Variants in BSN observed in about 807,000 individuals in gnomAD.
BSN encodes bassoon presynaptic cytomatrix protein, also known as protein bassoon.
BSN carries 57 observed loss-of-function variants against 264.8 expected under a neutral mutation model. That is an observed-to-expected ratio of 0.22 (90% CI 0.17 to 0.27). The LOEUF is 0.27. BSN is among the 10% of genes least tolerant of loss of function. BSN has a pLI of 1.00. For missense variants in BSN, 4,615 were observed against 5,232.5 expected (o/e 0.88, Z 3.64); for synonymous variants, 2,059 against 2,137.3 (o/e 0.96, Z 1.01).
At chr3:49,613,502 A>ATT in intron 1 of BSN, among the ~76,000 whole-genome samples, 1 of 146,152 alleles carries the variant, frequency 6.8e-6, no homozygotes, top group East Asian at 2.0e-4. Context: ...TATTATTATT[A>ATT]TTTTTTTTTG....
intron 1 of BSN, among the ~76,000 whole-genome samples, chr3:49,569,258 T>C (rs1190515865): frequency 6.6e-6 from 1 of 152,120 alleles, no homozygotes; most frequent in Non-Finnish European, 1.5e-5. Flanking sequence ...CTGCAAGTGC[T>C]TTAATATTAA....
Position 49,667,836 on chromosome 3 carries a change from G to A in BSN, c.*351G>A, listed in dbSNP as rs1162534555. 1 of 152,456 alleles carries A rather than the reference G, an allele frequency of 6.6e-6. No homozygotes were observed. Among genetic ancestry groups the A allele is most frequent in the Non-Finnish European group, 1.5e-5 (1 of 68,032 alleles). 9.4% of individuals were successfully genotyped at this position (152,456 alleles called of 1,614,324 possible). ...CCTCTCCAGAAACCCTGCCACCATG[G>A]TGTCTTGCCGTACTTCCCACAGCCG... On this transcript the variant is annotated 3_prime_UTR_variant, in exon 12 of 12. Transcript: ENST00000296452.
intron 1 of BSN, among the ~76,000 whole-genome samples, chr3:49,610,757 G>C (rs2052200337): frequency 1.3e-5 from 2 of 152,162 alleles, no homozygotes; most frequent in African/African-American, 4.8e-5. Context: ...GTCCCAGGCA[G>C]GGTTTCCCTG....
In BSN at chr3:49,655,444, C is replaced by T; in HGVS notation, c.5888C>T (p.Pro1963Leu). 1.9e-6 allele frequency: 3 copies of T among 1,573,262 alleles called. No individual in the cohort carries two copies. Among genetic ancestry groups the T allele is most frequent in the Non-Finnish European group, 2.6e-6 (3 of 1,158,848 alleles). ...PTYRAQGVVG[P>L]GPHEEQRPYP... ...TACCGGGCACAGGGGGTGGTGGGGC[C>T]TGGGCCCCATGAGGAGCAGAGGCCC... Residue 1963 changes from proline (P) to leucine (L), a missense_variant, in exon 5 of 12, where the codon CCT (proline) becomes CTT (leucine). Physicochemically the swap from Pro to Leu is moderately conservative, Grantham distance 98. Around this residue, in one of 3 missense-constraint regions of BSN, gnomAD observed 3,415 missense variants for 3,866.4 expected, o/e 0.88. Transcript: ENST00000296452.
At position 49,642,661 on chromosome 3, in the gene BSN, C is replaced by A. The variant is rs769282507; in HGVS notation, c.1027C>A (p.Gln343Lys). Residue 343 changes from glutamine (Q) to lysine (K), a missense_variant, in exon 3 of 12, where the codon CAG (glutamine) becomes AAG (lysine). Around this residue, in one of 3 missense-constraint regions of BSN, gnomAD observed 1,197 missense variants for 1,348.0 expected, o/e 0.89. Transcript: ENST00000296452. The surrounding 1 kb of genome is among the most constrained non-coding windows in gnomAD (Gnocchi z 7.0). ...PAGLGATEQT[Q>K]EGLTGKLFGL... Reference sequence around the variant, plus strand: ...TGGGCTTGGTGCCACTGAGCAGACCCAGGAGGGCCTCACTGGTAAGCTCTT... The same window carrying A: ...TGGGCTTGGTGCCACTGAGCAGACCAAGGAGGGCCTCACTGGTAAGCTCTT... 6 of 1,608,882 alleles carry A rather than the reference C, an allele frequency of 3.7e-6. No individual in the cohort carries two copies. Among genetic ancestry groups the A allele is most frequent in the Non-Finnish European group, 5.1e-6 (6 of 1,177,124 alleles).
At chr3:49,664,576 T>TAGCAAC in intron 9 of BSN, 22 bp downstream of exon 9, 10 of 1,578,684 alleles carry the variant, frequency 6.3e-6, no homozygotes, top group Non-Finnish European at 8.6e-6. Context: ...CTGCAACTGG[T>TAGCAAC]CTGTGGTGGG....
Position 49,657,520 on chromosome 3 carries a change from C to T in BSN, c.7964C>T (p.Ala2655Val), listed in dbSNP as rs1457730152. ...HDATASSSSA[A>V]ATVRAMSSVG... ...GCCACTGCCTCATCATCCAGTGCTG[C>T]TGCCACTGTGAGGGCCATGAGCAGC... is the stretch of plus-strand genomic sequence containing the variant. The change falls in exon 5 of 12, where the codon GCT (alanine) becomes GTT (valine). Residue 2655 changes from alanine to valine, a missense_variant. Coordinates refer to ENST00000296452, the MANE Select transcript of BSN (RefSeq NM_003458.4). The T allele has an allele frequency of 7.4e-6, 12 of 1,613,270 alleles. No homozygotes were observed. The highest frequency in any genetic ancestry group is 1.0e-5 in the Non-Finnish European group (12 of 1,180,026).
Position 49,664,425 on chromosome 3 carries a change from G to T in BSN, c.11611G>T (p.Val3871Leu). The change falls in exon 9 of 12, where the codon GTG becomes TTG. Residue 3871 changes from valine to leucine, a missense_variant and splice_region_variant. This residue lies in a region of BSN where 3,415 missense variants were observed against 3,866.4 expected (regional missense o/e 0.88). Transcript: ENST00000296452. ...QPAPGPGPAGVKAGARPGGTP... is the reference protein window; with the variant it reads ...QPAPGPGPAGLKAGARPGGTP... ...TATGGCGATTTCTTTCCTCCTAGGT[G>T]TGAAGGCTGGAGCCAGGCCTGGAGG... 1 of 1,613,786 alleles carries T rather than the reference G, an allele frequency of 6.2e-7. No individual in the cohort carries two copies. The highest frequency in any genetic ancestry group is 8.5e-7 in the Non-Finnish European group (1 of 1,180,010).
In BSN at chr3:49,670,800, G is replaced by A. The variant is rs2052749017; in HGVS notation, c.*3315G>A. The A allele has an allele frequency of 6.6e-6, 1 of 152,284 alleles. No homozygotes were observed. The highest frequency in any genetic ancestry group is 1.5e-5 in the Non-Finnish European group (1 of 68,060). The allele number at this position is 152,284 out of a possible 1,614,324, so 9.4% of individuals were successfully genotyped here. On this transcript the variant is annotated 3_prime_UTR_variant, in exon 12 of 12. Coordinates refer to ENST00000296452, the MANE Select transcript of BSN (RefSeq NM_003458.4). ...CCCCTACAATCCTTGGGCAGAGCAT[G>A]TGGTCTGAGGGCCCACAGTGAAAGA...
At chr3:49,664,303 C>A in intron 8 of BSN, 120 bp from the exon 9 acceptor site, 1 of 1,329,218 alleles carries the variant, frequency 7.5e-7, no homozygotes, top group Non-Finnish European at 1.1e-6. Context: ...CCCTAGCCTC[C>A]TTCTCACCTT....
At chr3:49,649,744 G>A (rs1414186017) in intron 3 of BSN, among the ~76,000 whole-genome samples, 1 of 152,238 alleles carries the variant, frequency 6.6e-6, no homozygotes, top group Non-Finnish European at 1.5e-5. Flanking sequence ...CTGCATGCCA[G>A]TGCCTGTCTG....
At chr3:49,603,261 C>T (rs2052086077) in intron 1 of BSN, among the ~76,000 whole-genome samples, 1 of 152,216 alleles carries the variant, frequency 6.6e-6, no homozygotes, top group South Asian at 2.1e-4. Context: ...GTGTGCTTGC[C>T]TCTGTGACTC....
Position 49,651,962 on chromosome 3 carries a change from C to T in BSN, c.2406C>T (p.Ser802=), listed in dbSNP as rs1441281255. ...GAGAGCAGCAGGACACTGCCGAGTCCTCAGACGACTTTGGCAGCCAATTGA... is the reference window on the plus strand; with the variant it reads ...GAGAGCAGCAGGACACTGCCGAGTCTTCAGACGACTTTGGCAGCCAATTGA... The part of the protein sequence containing the change: ...RRREQQDTAE[S]SDDFGSQLRH... The change falls in exon 5 of 12, where the codon TCC becomes TCT. Residue 802 remains serine, a synonymous_variant. Transcript: ENST00000296452. The surrounding 1 kb of genome is among the most constrained non-coding windows in gnomAD (Gnocchi z 5.4). 1 of 1,613,272 alleles carries T rather than the reference C, an allele frequency of 6.2e-7. No homozygotes were observed. The highest frequency in any genetic ancestry group is 1.3e-5 in the African/African-American group (1 of 74,930).
At chr3:49,618,402 A>G (rs749070214) in intron 1 of BSN, among the ~76,000 whole-genome samples, 32 of 152,174 alleles carry the variant, frequency 2.1e-4, no homozygotes, top group Admixed American at 4.6e-4. Flanking sequence ...TCCTCTTGCC[A>G]CACAGACTAT....
chr3:49,651,960 T>C lies in BSN; in HGVS notation c.2404T>C (p.Ser802Pro). 2 of 1,613,136 alleles carry C rather than the reference T, an allele frequency of 1.2e-6. No individual in the cohort carries two copies. Among genetic ancestry groups the C allele is most frequent in the Non-Finnish European group, 1.7e-6 (2 of 1,179,628 alleles). ...RRREQQDTAE[S>P]SDDFGSQLRH... ...GAGAGAGCAGCAGGACACTGCCGAG[T>C]CCTCAGACGACTTTGGCAGCCAATT... Residue 802 changes from serine to proline, a missense_variant, in exon 5 of 12, where the codon TCC (serine) becomes CCC (proline). Ser to Pro is a moderately conservative substitution (Grantham distance 74). Transcript: ENST00000296452. This position sits in a 1 kb window ranked among gnomAD's most constrained non-coding sequence, Gnocchi z 5.4.
At position 49,652,025 on chromosome 3, in the gene BSN, G is replaced by A; in HGVS notation, c.2469G>A (p.Leu823=). The change falls in exon 5 of 12, where the codon CTG becomes CTA. Residue 823 remains leucine, a synonymous_variant. Transcript: ENST00000296452. ...TGGAGGACAGCAGTGAGGGTGGCCT[G>A]TCCCCTCTTCCACCCCAGCCCCCAG... ...DYVEDSSEGG[L]SPLPPQPPAR... 6.2e-7 allele frequency: 1 copy of A among 1,611,832 alleles called. No individual in the cohort carries two copies. Among genetic ancestry groups the A allele is most frequent in the Non-Finnish European group, 8.5e-7 (1 of 1,178,448 alleles).
At chr3:49,649,277 G>A (rs1230137187) in intron 3 of BSN, among the ~76,000 whole-genome samples, 1 of 152,242 alleles carries the variant, frequency 6.6e-6, no homozygotes, top group African/African-American at 2.4e-5. Context: ...CTCTGGCTCT[G>A]TGACCTTGTG....
intron 3 of BSN, among the ~76,000 whole-genome samples, chr3:49,645,488 T>A (rs2052498242): frequency 6.6e-6 from 1 of 152,182 alleles, no homozygotes; most frequent in South Asian, 2.1e-4. Context: ...GCCTCCCCAC[T>A]GTCACAAGAA....
In BSN at chr3:49,651,063, A is replaced by G. The variant is rs1453669574; in HGVS notation, c.1970A>G (p.Lys657Arg). ...PVVKAVPEAP[K>R]GGEAEDLVGK... Reference sequence around the variant, plus strand: ...GTCAAGGCTGTTCCAGAAGCCCCCAAGGGTGGGGAGGCGGAGGTCAGTCCC... The same window carrying G: ...GTCAAGGCTGTTCCAGAAGCCCCCAGGGGTGGGGAGGCGGAGGTCAGTCCC... Residue 657 changes from lysine (K) to arginine (R), a missense_variant, in exon 4 of 12, where the codon AAG becomes AGG. Physicochemically the swap from Lys to Arg is conservative, Grantham distance 26. Coordinates refer to ENST00000296452, the MANE Select transcript of BSN (RefSeq NM_003458.4). This position sits in a 1 kb window ranked among gnomAD's most constrained non-coding sequence, Gnocchi z 5.4. The G allele has an allele frequency of 1.2e-6, 2 of 1,611,302 alleles. No homozygotes were observed. The highest frequency in any genetic ancestry group is 1.7e-6 in the Non-Finnish European group (2 of 1,179,308).
Sources: allele counts gnomAD v4.1 joint callset (sites outside exome capture counted in the v4.1 genomes callset), GRCh38; gene constraint gnomAD v4.1.1; regional missense constraint gnomAD v4.1.1; non-coding constraint Gnocchi (gnomAD v3.1); transcripts MANE v1.5; gene names NCBI Gene and HGNC (gene_info 2026-07-23, HGNC 2026-07-21).